The following PPP4R4 variants were observed in gnomAD, a reference collection of about 807,000 sequenced individuals.
PPP4R4 encodes protein phosphatase 4 regulatory subunit 4, also known as serine/threonine-protein phosphatase 4 regulatory subunit 4.
PPP4R4 carries 70 observed loss-of-function variants against 121.8 expected under a neutral mutation model. The ratio of observed to expected loss-of-function variants is 0.57; its 90% confidence interval spans 0.47 to 0.70. PPP4R4 has a LOEUF of 0.70. Among genes scored for constraint, PPP4R4 ranks in the 30% least tolerant of loss-of-function variants. PPP4R4 has a pLI of 0.00. For synonymous variants in PPP4R4, 348 were observed against 355.7 expected, an observed-to-expected ratio of 0.98 and a Z score of 0.24; for missense variants, 875 against 1,033.6, an observed-to-expected ratio of 0.85 and a Z score of 2.10.
rs575742271 is a variant in PPP4R4 at position 94,266,858 on chromosome 14, G to A, written c.2379-101G>A. On this transcript the variant is annotated intron_variant, in intron 22 of 24. Transcript: ENST00000304338. ...AAGCAACAAACGTTTCATAAGTAGA[G>A]GAAAGCATTAAAAAGAAGATTAAAA... 5 of 757,848 alleles carry A rather than the reference G, an allele frequency of 6.6e-6. No homozygotes were observed. The African/African-American group carries it at 9.1e-5, about 14-fold the overall frequency. The allele number at this position is 757,848 out of a possible 1,614,324, so 46.9% of individuals were successfully genotyped here.
At position 94,210,761 on chromosome 14, in the gene PPP4R4, A is replaced by G. The variant is rs142011373; in HGVS notation, c.294+2195A>G. ...TGTAAAAATGCTGAAGAATAAGGCAAATGAGAAGGGCTTTATGGGGGTAAC... is the reference window on the plus strand; with the variant it reads ...TGTAAAAATGCTGAAGAATAAGGCAGATGAGAAGGGCTTTATGGGGGTAAC... On this transcript the variant is annotated intron_variant, in intron 3 of 24. Coordinates refer to ENST00000304338, the MANE Select transcript of PPP4R4 (RefSeq NM_058237.2). Among the ~76,000 whole-genome samples the G allele has an allele frequency of 5.4e-3, 829 of 152,282 alleles. 14 individuals are homozygous for G. Among genetic ancestry groups the G allele is most frequent in the African/African-American group, 0.019 (779 of 41,558 alleles).
intron 21 of PPP4R4, 28 bp from the exon 22 acceptor site, chr14:94,265,766 T>C (rs767925276): frequency 1.3e-6 from 2 of 1,495,586 alleles, no homozygotes; most frequent in Non-Finnish European, 1.9e-6. Flanking sequence ...ACTGAATACA[T>C]TTTTCTTTTT....
chr14:94,219,423 GAATA>G (rs1891264397), intron 3 of PPP4R4, among the ~76,000 whole-genome samples: 1 of 152,058 alleles, frequency 6.6e-6, no homozygotes, highest in African/African-American at 2.4e-5. Flanking sequence ...TGATTTACAT[GAATA>G]AATGAGCACT....
chr14:94,277,330 G>A (rs1394968485), intron 24 of PPP4R4, among the ~76,000 whole-genome samples: 2 of 152,062 alleles, frequency 1.3e-5, no homozygotes, highest in Non-Finnish European at 2.9e-5. Context: ...ACAGAGGCAG[G>A]ACATGGTAAT....
At chr14:94,178,383 G>A (rs1322103417) in intron 2 of PPP4R4, among the ~76,000 whole-genome samples, 1 of 150,104 alleles carries the variant, frequency 6.7e-6, no homozygotes, top group Admixed American at 6.7e-5. Flanking sequence ...GCTTTTATGT[G>A]TCAGGTTTGT....
intron 8 of PPP4R4, among the ~76,000 whole-genome samples, chr14:94,239,524 T>C (rs1892520453): frequency 6.6e-6 from 1 of 151,932 alleles, no homozygotes; most frequent in Admixed American, 6.6e-5. Context: ...TAAATACAGT[T>C]TCCTCCCTGA....
chr14:94,235,832 T>C (rs1053084005), intron 7 of PPP4R4, among the ~76,000 whole-genome samples: 1 of 152,154 alleles, frequency 6.6e-6, no homozygotes, highest in African/African-American at 2.4e-5. Context: ...AAAACCATCT[T>C]GGGAAATCTT....
chr14:94,231,099 ATAAT>A, intron 4 of PPP4R4, 139 bp from the exon 5 acceptor site: 1 of 661,324 alleles, frequency 1.5e-6, no homozygotes, highest in Non-Finnish European at 2.4e-6. Flanking sequence ...CTGAGACAAA[ATAAT>A]AGAGAAACTT....
At chr14:94,265,662 G>T (rs1268345965) in intron 21 of PPP4R4, 132 bp from the exon 22 acceptor site, 8 of 810,254 alleles carry the variant, frequency 9.9e-6, no homozygotes, top group Middle Eastern at 4.6e-4. Flanking sequence ...ACTTCAGTGA[G>T]CTCAAATTAA....
chr14:94,210,430 C>CTTTA (rs1433738922), intron 3 of PPP4R4, among the ~76,000 whole-genome samples: 1 of 151,424 alleles, frequency 6.6e-6, no homozygotes, highest in African/African-American at 2.4e-5. Context: ...TTTTAATAAG[C>CTTTA]TTTAAAAGTA....
chr14:94,182,805 T>C (rs1270810721), intron 2 of PPP4R4, among the ~76,000 whole-genome samples: 2 of 152,210 alleles, frequency 1.3e-5, no homozygotes, highest in Admixed American at 1.3e-4. Flanking sequence ...GAATTGTTGG[T>C]CATAGCATAT....
intron 3 of PPP4R4, among the ~76,000 whole-genome samples, chr14:94,224,902 A>G (rs1891612429): frequency 6.6e-6 from 1 of 152,236 alleles, no homozygotes; most frequent in African/African-American, 2.4e-5. Context: ...GAAGCTTAAG[A>G]ACTAGAAGTG....
At chr14:94,207,780 T>C (rs1890541214) in intron 2 of PPP4R4, among the ~76,000 whole-genome samples, 1 of 151,616 alleles carries the variant, frequency 6.6e-6, no homozygotes, top group East Asian at 1.9e-4. Context: ...GAAAACAGTT[T>C]TTTGCTGTTT....
chr14:94,245,496 AC>A, intron 12 of PPP4R4, 90 bp from the exon 13 acceptor site: 1 of 584,196 alleles, frequency 1.7e-6, no homozygotes, highest in Non-Finnish European at 2.8e-6. Flanking sequence ...AAAAAAAAAA[AC>A]CACTACTACT....
intron 23 of PPP4R4, among the ~76,000 whole-genome samples, chr14:94,267,407 A>G (rs867788452): frequency 2.6e-5 from 4 of 152,302 alleles, no homozygotes; most frequent in Non-Finnish European, 5.9e-5. Context: ...AATATTATGT[A>G]TTTGGAAGTT....
chr14:94,197,497 C>T (rs1307512500), intron 2 of PPP4R4, among the ~76,000 whole-genome samples: 1 of 152,066 alleles, frequency 6.6e-6, no homozygotes, highest in Admixed American at 6.5e-5. Flanking sequence ...TTCACTGCTG[C>T]CATCTTCATA....
At chr14:94,176,782 G>T (rs921127541) in intron 2 of PPP4R4, among the ~76,000 whole-genome samples, 7 of 152,144 alleles carry the variant, frequency 4.6e-5, no homozygotes, top group Admixed American at 4.6e-4. Context: ...GAACATGAAT[G>T]ATGTTTTAAT....
chr14:94,279,575 A>T lies in PPP4R4; in HGVS notation c.*932A>T, dbSNP rs551402258. The T allele has an allele frequency of 5.2e-5, 8 of 152,764 alleles. No homozygotes were observed. In the South Asian group the frequency reaches 1.7e-3, roughly 32 times the overall value. 9.5% of individuals were successfully genotyped at this position (152,764 alleles called of 1,614,324 possible). On this transcript the variant is annotated 3_prime_UTR_variant, in exon 25 of 25. Coordinates refer to ENST00000304338, the MANE Select transcript of PPP4R4 (RefSeq NM_058237.2). ...TTCTCTATTTCAAAATGCAATCAGC[A>T]TATAACTATATTGATATTAGAAGAT... is the stretch of plus-strand genomic sequence containing the variant.
chr14:94,207,591 A>G (rs950861489), intron 2 of PPP4R4, among the ~76,000 whole-genome samples: 3 of 151,982 alleles, frequency 2.0e-5, no homozygotes, highest in African/African-American at 7.2e-5. Context: ...ATAAGTAAAT[A>G]TTATGGAATC....
Sources: allele counts gnomAD v4.1 joint callset (sites outside exome capture counted in the v4.1 genomes callset), GRCh38; gene constraint gnomAD v4.1.1; transcripts MANE v1.5; gene names NCBI Gene and HGNC (gene_info 2026-07-23, HGNC 2026-07-21).